Variants in AFG2A observed in about 807,000 individuals in gnomAD.
The protein encoded by AFG2A is AAA ATPase AFG2A, also known as ATPase family gene 2 protein homolog A.
chr4:122,970,677 G>A, the AFG2A span, among the ~76,000 whole-genome samples: 2 of 151,226 alleles, frequency 1.3e-5, no homozygotes, highest in Non-Finnish European at 2.9e-5. Context: ...AGAAGCAATA[G>A]GCTATACCAT....
At chr4:123,246,897 G>A in the AFG2A span, among the ~76,000 whole-genome samples, 49 of 152,062 alleles carry the variant, frequency 3.2e-4, no homozygotes, top group Middle Eastern at 6.8e-3. Flanking sequence ...TTAAAGCCCG[G>A]CTCATTTGGA....
chr4:123,307,938 G>A, the AFG2A span, among the ~76,000 whole-genome samples: 1 of 152,186 alleles, frequency 6.6e-6, no homozygotes, highest in Non-Finnish European at 1.5e-5. Flanking sequence ...ATTTGTGTAA[G>A]GACAGTCTGT....
chr4:123,191,438 G>A, the AFG2A span, among the ~76,000 whole-genome samples: 77,233 of 151,458 alleles, frequency 0.51, 23,877 homozygotes, highest in Non-Finnish European at 0.67. Context: ...AGCTTAGGGA[G>A]GGCTTTGCTC....
At chr4:123,180,911 A>G in the AFG2A span, among the ~76,000 whole-genome samples, 4 of 151,532 alleles carry the variant, frequency 2.6e-5, no homozygotes, top group Non-Finnish European at 5.9e-5. Context: ...TAGGCTATGC[A>G]GGCCACATAT....
At chr4:123,249,825 G>A in the AFG2A span, among the ~76,000 whole-genome samples, 1 of 152,166 alleles carries the variant, frequency 6.6e-6, no homozygotes, top group African/African-American at 2.4e-5. Context: ...GATTTAAGTA[G>A]TGTTAGCCAG....
the AFG2A span, among the ~76,000 whole-genome samples, chr4:123,044,755 G>A: frequency 6.6e-6 from 1 of 151,390 alleles, no homozygotes; most frequent in Non-Finnish European, 1.5e-5. Flanking sequence ...AGGGACCTGT[G>A]TCTCTGAGGA....
the AFG2A span, among the ~76,000 whole-genome samples, chr4:123,297,668 G>A: frequency 2.0e-5 from 3 of 151,446 alleles, no homozygotes; most frequent in African/African-American, 7.3e-5. Context: ...GCAGTGAGCC[G>A]AGATTGTGCC....
At chr4:122,936,980 CGAAAAA>C in the AFG2A span, among the ~76,000 whole-genome samples, 1 of 151,654 alleles carries the variant, frequency 6.6e-6, no homozygotes, top group South Asian at 2.1e-4. Context: ...GACTTTGACT[CGAAAAA>C]ATAAAAATAA....
the AFG2A span, among the ~76,000 whole-genome samples, chr4:123,027,353 T>A: frequency 1.3e-5 from 2 of 152,170 alleles, no homozygotes; most frequent in Non-Finnish European, 1.5e-5. Context: ...TCTTTTCCTT[T>A]TTATACTTCT....
chr4:123,209,537 T>C, the AFG2A span, among the ~76,000 whole-genome samples: 1 of 151,374 alleles, frequency 6.6e-6, no homozygotes, highest in African/African-American at 2.4e-5. Flanking sequence ...ATGAACTGCG[T>C]AGCCCTGGAT....
the AFG2A span, among the ~76,000 whole-genome samples, chr4:122,972,627 G>T: frequency 6.7e-6 from 1 of 148,574 alleles, no homozygotes. Flanking sequence ...TATTATATTT[G>T]TATTATTATT....
chr4:123,079,067 A>G, the AFG2A span, among the ~76,000 whole-genome samples: 19 of 152,344 alleles, frequency 1.2e-4, no homozygotes, highest in South Asian at 1.4e-3. Context: ...TTCTCTTTCT[A>G]TAACACTCCT....
chr4:123,083,488 A>T, the AFG2A span, among the ~76,000 whole-genome samples: 1 of 151,988 alleles, frequency 6.6e-6, no homozygotes, highest in Non-Finnish European at 1.5e-5. Context: ...ATTGTAATGT[A>T]ATGTTTTCAA....
the AFG2A span, among the ~76,000 whole-genome samples, chr4:123,053,360 C>G: frequency 6.6e-6 from 1 of 152,300 alleles, no homozygotes; most frequent in Non-Finnish European, 1.5e-5. Flanking sequence ...GGATCTGAGT[C>G]CAGAAGACTG....
chr4:122,949,069 G>A, the AFG2A span, among the ~76,000 whole-genome samples: 50 of 152,336 alleles, frequency 3.3e-4, no homozygotes, highest in East Asian at 8.7e-3. Flanking sequence ...ATTCTGTAGT[G>A]GAAATATGGG....
At chr4:123,018,768 G>C in the AFG2A span, among the ~76,000 whole-genome samples, 1 of 151,692 alleles carries the variant, frequency 6.6e-6, no homozygotes, top group Non-Finnish European at 1.5e-5. Context: ...TGAGTAGCTG[G>C]GATTACTGGC....
At chr4:123,146,612 A>T in the AFG2A span, among the ~76,000 whole-genome samples, 9 of 152,326 alleles carry the variant, frequency 5.9e-5, no homozygotes, top group African/African-American at 2.2e-4. Context: ...AGATAACATG[A>T]ACAGATACTG....
chr4:123,011,290 G>A, the AFG2A span, among the ~76,000 whole-genome samples: 1 of 152,218 alleles, frequency 6.6e-6, no homozygotes, highest in African/African-American at 2.4e-5. Context: ...CCTTCAGCCA[G>A]TCTTGGCAGA....
chr4:123,039,906 A>G, the AFG2A span, among the ~76,000 whole-genome samples: 1 of 152,026 alleles, frequency 6.6e-6, no homozygotes, highest in Non-Finnish European at 1.5e-5. Flanking sequence ...TAGTTTCCCT[A>G]CCTCTTAACT....
Sources: allele counts gnomAD v4.1 joint callset (sites outside exome capture counted in the v4.1 genomes callset), GRCh38; gene constraint gnomAD v4.1.1; transcripts MANE v1.5; gene names NCBI Gene and HGNC (gene_info 2026-07-23, HGNC 2026-07-21).